UBAC2: variants seen among roughly 807,000 people sequenced by gnomAD.
UBAC2 encodes the protein UBA domain containing 2.
Under a neutral mutation model 44.0 loss-of-function variants are expected in UBAC2, and 26 were observed. The observed-to-expected ratio is 0.59, with a 90% CI of 0.43 to 0.82. The LOEUF (loss-of-function observed/expected upper bound fraction) is 0.82, where lower values mean the gene tolerates loss of function less well. Ranked by LOEUF, UBAC2 falls within the 40% of genes least tolerant of loss-of-function variation. UBAC2 has a pLI of 0.00. For synonymous variants in UBAC2, 155 were observed against 154.3 expected (o/e 1.00, Z -0.04); for missense variants, 329 against 419.4 (o/e 0.78, Z 1.88).
At chr13:99,364,460 T>C (rs1172848885) in intron 7 of UBAC2, among the ~76,000 whole-genome samples, 1 of 151,694 alleles carries the variant, frequency 6.6e-6, no homozygotes, top group Non-Finnish European at 1.5e-5. Context: ...AACTATATAT[T>C]GTATAATTTT....
chr13:99,381,683 G>T (rs1275210422), intron 8 of UBAC2, among the ~76,000 whole-genome samples: 2 of 152,168 alleles, frequency 1.3e-5, no homozygotes, highest in Non-Finnish European at 2.9e-5. Flanking sequence ...AGACCACCTT[G>T]ATCAGAGAGA....
chr13:99,336,544 A>T (rs2044790818), intron 6 of UBAC2, among the ~76,000 whole-genome samples: 1 of 152,164 alleles, frequency 6.6e-6, no homozygotes, highest in Non-Finnish European at 1.5e-5. Context: ...CCTTGTGTAT[A>T]GCCCATGTGC....
chr13:99,255,146 C>G, intron 4 of UBAC2: 2 of 1,614,094 alleles, frequency 1.2e-6, no homozygotes, highest in Non-Finnish European at 1.7e-6. Flanking sequence ...ATAAAGCAGA[C>G]GAGCACCTGC....
intron 1 of UBAC2, among the ~76,000 whole-genome samples, chr13:99,236,751 G>C (rs1281107655): frequency 6.6e-6 from 1 of 152,170 alleles, no homozygotes; most frequent in African/African-American, 2.4e-5. Context: ...TTGGTAGGCT[G>C]AGGCAGGAGA....
chr13:99,317,806 C>A (rs2044512862), intron 5 of UBAC2, among the ~76,000 whole-genome samples: 1 of 151,956 alleles, frequency 6.6e-6, no homozygotes, highest in South Asian at 2.1e-4. Context: ...TTGTTTTAGG[C>A]TATACAAAGT....
At chr13:99,208,823 C>G (rs1293369982) in intron 1 of UBAC2, among the ~76,000 whole-genome samples, 1 of 152,246 alleles carries the variant, frequency 6.6e-6, no homozygotes, top group African/African-American at 2.4e-5. Flanking sequence ...CTGTGTCCTG[C>G]AGGTGCTTCA....
chr13:99,254,357 A>G (rs888727584), intron 4 of UBAC2, among the ~76,000 whole-genome samples: 2 of 152,180 alleles, frequency 1.3e-5, no homozygotes, highest in African/African-American at 4.8e-5. Flanking sequence ...AATTCAGAGT[A>G]GGGAAGGGCT....
At chr13:99,359,349 T>G (rs2045232847) in intron 7 of UBAC2, among the ~76,000 whole-genome samples, 1 of 152,240 alleles carries the variant, frequency 6.6e-6, no homozygotes, top group Admixed American at 6.5e-5. Context: ...TTAATTCTCT[T>G]TCTACTTTTG....
At chr13:99,254,395 G>T (rs545871548) in intron 4 of UBAC2, among the ~76,000 whole-genome samples, 1 of 152,108 alleles carries the variant, frequency 6.6e-6, no homozygotes, top group Non-Finnish European at 1.5e-5. Context: ...CAGGCCCCTT[G>T]GGTTCTTGTT....
At chr13:99,269,830 G>T (rs900933870) in intron 4 of UBAC2, among the ~76,000 whole-genome samples, 1 of 152,194 alleles carries the variant, frequency 6.6e-6, no homozygotes, top group African/African-American at 2.4e-5. Context: ...CTAGATGGCA[G>T]TGTTACATAG....
chr13:99,365,923 A>G (rs2045324537), intron 7 of UBAC2, among the ~76,000 whole-genome samples: 1 of 152,190 alleles, frequency 6.6e-6, no homozygotes, highest in South Asian at 2.1e-4. Context: ...TGTGTTACAT[A>G]TAAATATGAT....
chr13:99,380,508 T>C (rs1180620158), intron 8 of UBAC2, among the ~76,000 whole-genome samples: 1 of 152,164 alleles, frequency 6.6e-6, no homozygotes, highest in Non-Finnish European at 1.5e-5. Context: ...ATGGTGAACC[T>C]CTGAAACTAC....
intron 7 of UBAC2, among the ~76,000 whole-genome samples, chr13:99,357,035 C>T (rs890005442): frequency 2.0e-5 from 3 of 152,128 alleles, no homozygotes; most frequent in African/African-American, 7.2e-5. Context: ...AGTCATGCAC[C>T]ACATAACAAT....
At position 99,385,610 on chromosome 13, in the gene UBAC2, T is replaced by C; in HGVS notation, c.*275T>C. 1 of 397,896 alleles carries C rather than the reference T, an allele frequency of 2.5e-6. No individual in the cohort carries two copies. The highest frequency in any genetic ancestry group is 4.6e-6 in the Non-Finnish European group (1 of 216,234). 24.6% of individuals were successfully genotyped at this position (397,896 alleles called of 1,614,324 possible). A position where few individuals can be genotyped will look rare whatever the true frequency, so the allele number is the denominator to read the frequency against. The stretch of plus-strand genomic sequence containing the variant: ...GCACTCGTTTTGAATGTGTTTAAAA[T>C]GCATTAAAATGGAAGATTTCTGCAG... On this transcript the variant is annotated 3_prime_UTR_variant, in exon 9 of 9. Transcript: ENST00000403766.
chr13:99,250,454 T>C (rs2043444048), intron 4 of UBAC2, among the ~76,000 whole-genome samples: 1 of 152,230 alleles, frequency 6.6e-6, no homozygotes, highest in South Asian at 2.1e-4. Flanking sequence ...GCTGTTTTGC[T>C]TACTGTAGCC....
At chr13:99,259,445 A>T (rs1157220704) in intron 4 of UBAC2, among the ~76,000 whole-genome samples, 7 of 151,994 alleles carry the variant, frequency 4.6e-5, no homozygotes, top group African/African-American at 1.7e-4. Context: ...GATTGTTACA[A>T]CCTGCCAGAA....
chr13:99,246,802 A>G (rs2142745913), intron 4 of UBAC2, among the ~76,000 whole-genome samples: 2 of 152,310 alleles, frequency 1.3e-5, no homozygotes, highest in South Asian at 4.1e-4. Flanking sequence ...AAGTTGTAGC[A>G]TCCCCTTTGA....
intron 6 of UBAC2, among the ~76,000 whole-genome samples, chr13:99,335,714 TTC>T (rs1254144096): frequency 6.6e-6 from 1 of 152,254 alleles, no homozygotes; most frequent in African/African-American, 2.4e-5. Flanking sequence ...TCTGCAGCTG[TTC>T]CCCTCTTGGG....
At chr13:99,206,328 T>A (rs1206276344) in intron 1 of UBAC2, among the ~76,000 whole-genome samples, 2 of 152,148 alleles carry the variant, frequency 1.3e-5, no homozygotes, top group Non-Finnish European at 2.9e-5. Flanking sequence ...CATTCCAGCA[T>A]GTAAGGGATG....
Sources: gnomAD v4.1 joint callset for allele counts (sites outside exome capture counted in the v4.1 genomes callset) on GRCh38, gnomAD v4.1.1 for gene constraint, MANE v1.5 for transcripts, NCBI Gene and HGNC (gene_info 2026-07-23, HGNC 2026-07-21) for gene names.